The following MMP2 variants were observed in gnomAD, a reference collection of about 807,000 sequenced individuals.
The protein encoded by MMP2 is matrix metallopeptidase 2, also known as 72 kDa type IV collagenase.
MMP2 carries 39 observed loss-of-function variants against 74.8 expected under a neutral mutation model. That is an observed-to-expected ratio of 0.52 (90% CI 0.40 to 0.68). MMP2 has a LOEUF of 0.68. Among genes scored for constraint, MMP2 ranks in the 30% least tolerant of loss-of-function variants. MMP2 has a pLI of 0.00. For missense variants in MMP2, 803 were observed against 878.3 expected, an observed-to-expected ratio of 0.91 and a Z score of 1.08; for synonymous variants, 367 against 339.8, an observed-to-expected ratio of 1.08 and a Z score of -0.88.
At chr16:55,489,853 C>A (rs376170186) in intron 7 of MMP2, 29 bp downstream of exon 7, 2 of 1,611,366 alleles carry the variant, frequency 1.2e-6, no homozygotes, top group South Asian at 1.1e-5. Flanking sequence ...TGGACAGAGA[C>A]CCTGGACATT....
chr16:55,484,092 G>T lies in MMP2; in HGVS notation c.457G>T (p.Asp153Tyr), dbSNP rs144334568. The T allele has an allele frequency of 6.2e-7, 1 of 1,614,022 alleles. No homozygotes were observed. The change falls in exon 3 of 13, where the codon GAT (aspartate) becomes TAT (tyrosine). Residue 153 changes from aspartate (D) to tyrosine (Y), a missense_variant. Transcript: ENST00000219070. ...AFARAFQVWS[D>Y]VTPLRFSRIH... Reference sequence around the variant, plus strand: ...TGCTCGTGCCTTCCAAGTCTGGAGCGATGTGACCCCACTGCGGTTTTCTCG... The same window carrying T: ...TGCTCGTGCCTTCCAAGTCTGGAGCTATGTGACCCCACTGCGGTTTTCTCG...
chr16:55,488,478 C>T (rs1962312830), intron 5 of MMP2, 65 bp from the exon 6 acceptor site: 6 of 1,532,892 alleles, frequency 3.9e-6, no homozygotes, highest in Non-Finnish European at 5.4e-6. Context: ...GGTGGGCAGC[C>T]AGCCAGCCCT....
Position 55,479,220 on chromosome 16 carries a change from C to G in MMP2, c.-260C>G. ...TCCGCTGCATCCAGACTTCCTCAGG[C>G]GGTGGCTGGAGGCTGCGCATCTGGG... On this transcript the variant is annotated 5_prime_UTR_variant, in exon 1 of 13. Transcript: ENST00000219070. 7.4e-6 allele frequency: 2 copies of G among 269,232 alleles called. No homozygotes were observed. Among genetic ancestry groups the G allele is most frequent in the Non-Finnish European group, 1.4e-5 (2 of 145,378 alleles). The allele number at this position is 269,232 out of a possible 1,614,324, so 16.7% of individuals were successfully genotyped here.
intron 11 of MMP2, among the ~76,000 whole-genome samples, chr16:55,499,536 G>T (rs1298573679): frequency 6.6e-6 from 1 of 152,158 alleles, no homozygotes; most frequent in Non-Finnish European, 1.5e-5. Flanking sequence ...TGTGCTCCAG[G>T]TTATCTACAG....
intron 5 of MMP2, among the ~76,000 whole-genome samples, chr16:55,486,347 C>CTCTG (rs1962254803): frequency 7.3e-6 from 1 of 137,728 alleles, no homozygotes; most frequent in African/African-American, 2.8e-5. Flanking sequence ...GTGTGTGTGC[C>CTCTG]TGTGTGTGTG....
chr16:55,499,824 C>T (rs551444345), intron 11 of MMP2, among the ~76,000 whole-genome samples: 1 of 152,066 alleles, frequency 6.6e-6, no homozygotes, highest in African/African-American at 2.4e-5. Context: ...AAAGAGTGGT[C>T]GGGGCACAAA....
chr16:55,503,522 C>T (rs1418945359), intron 12 of MMP2, among the ~76,000 whole-genome samples: 4 of 150,662 alleles, frequency 2.7e-5, no homozygotes, highest in African/African-American at 9.8e-5. Context: ...TTTTTGAGCA[C>T]CTACTGTATG....
chr16:55,505,001 C>T lies in MMP2; in HGVS notation c.1880-338C>T, dbSNP rs116612722. Among the ~76,000 whole-genome samples the T allele has an allele frequency of 6.1e-3, 925 of 152,130 alleles. 8 individuals carry two copies. Among genetic ancestry groups the T allele is most frequent in the African/African-American group, 0.021 (875 of 41,482 alleles). ...GGGGACAAGGTCTTGCTCTATCACC[C>T]AGGCTAGAGGCACAATCATAGCTCA... On this transcript the variant is annotated intron_variant, in intron 12 of 12. Transcript: ENST00000219070.
chr16:55,486,184 T>A (rs981514694), intron 5 of MMP2, among the ~76,000 whole-genome samples: 1 of 152,186 alleles, frequency 6.6e-6, no homozygotes, highest in African/African-American at 2.4e-5. Flanking sequence ...AGGAAAGGCT[T>A]GCTGGTAGCT....
At chr16:55,500,275 A>G (rs1000241037) in intron 11 of MMP2, among the ~76,000 whole-genome samples, 1 of 151,316 alleles carries the variant, frequency 6.6e-6, no homozygotes, top group African/African-American at 2.4e-5. Flanking sequence ...GCATCTCAGC[A>G]TTGTAGGAGC....
Position 55,485,724 on chromosome 16 carries a change from C to T in MMP2, c.779C>T (p.Ser260Phe), listed in dbSNP as rs750659198. Residue 260 changes from serine to phenylalanine, a missense_variant, in exon 5 of 13, where the codon TCC (serine) becomes TTC (phenylalanine). This residue lies in a region of MMP2 where 555 missense variants were observed against 592.0 expected (regional missense o/e 0.94). Transcript: ENST00000219070. ...CGCAGCGATGGCTTCCTCTGGTGCTCCACCACCTACAACTTTGAGAAGGAT... is the reference window on the plus strand; with the variant it reads ...CGCAGCGATGGCTTCCTCTGGTGCTTCACCACCTACAACTTTGAGAAGGAT... ...TGRSDGFLWC[S>F]TTYNFEKDGK... 1.2e-6 allele frequency: 2 copies of T among 1,614,034 alleles called. No homozygotes were observed. Among genetic ancestry groups the T allele is most frequent in the African/African-American group, 1.3e-5 (1 of 74,920 alleles).
chr16:55,502,720 C>T, intron 11 of MMP2, 59 bp from the exon 12 acceptor site: 1 of 1,488,630 alleles, frequency 6.7e-7, no homozygotes, highest in Non-Finnish European at 9.4e-7. Context: ...CCATCCAGGC[C>T]AGGGGGGAAG....
chr16:55,485,291 T>A lies in MMP2; in HGVS notation c.530-8T>A. The A allele has an allele frequency of 6.2e-7, 1 of 1,614,040 alleles. No homozygotes were observed. The highest frequency in any genetic ancestry group is 8.5e-7 in the Non-Finnish European group (1 of 1,179,980). On this transcript the variant is annotated splice_region_variant and splice_polypyrimidine_tract_variant and intron_variant, in intron 3 of 12. Transcript: ENST00000219070. ...CAGCTAGACGCTAAGACCCAGTGTG[T>A]GTTTCAGAGCATGGCGATGGATACC...
rs766745778 is a variant in MMP2, at chr16:55,482,902, C to A, written c.154-7C>A. Reference sequence around the variant, plus strand: ...CTAATTGCCTTGGGGGTGTGCATTTCTTTCAGCAATACCTGAACACCTTCT... The same window carrying A: ...CTAATTGCCTTGGGGGTGTGCATTTATTTCAGCAATACCTGAACACCTTCT... On this transcript the variant is annotated splice_region_variant and splice_polypyrimidine_tract_variant and intron_variant, in intron 1 of 12. Coordinates refer to ENST00000219070, the MANE Select transcript of MMP2 (RefSeq NM_004530.6). 22 of 1,613,392 alleles carry A rather than the reference C, an allele frequency of 1.4e-5. No individual in the cohort carries two copies. The Admixed American group carries it at 3.5e-4, about 26-fold the overall frequency.
chr16:55,505,495 G>C lies in MMP2; in HGVS notation c.*53G>C. The C allele has an allele frequency of 6.6e-7, 1 of 1,522,796 alleles. No homozygotes were observed. Among genetic ancestry groups the C allele is most frequent in the Non-Finnish European group, 9.1e-7 (1 of 1,097,594 alleles). The allele number at this position is 1,522,796 out of a possible 1,614,324, so 94.3% of individuals were successfully genotyped here. A position where few individuals can be genotyped will look rare whatever the true frequency, so the allele number is the denominator to read the frequency against. Reference sequence around the variant, plus strand: ...CTCTCCACTGCCTTCGATACACCGGGCCTGGAGAACTAGAGAAGGACCCGG... The same window carrying C: ...CTCTCCACTGCCTTCGATACACCGGCCCTGGAGAACTAGAGAAGGACCCGG... On this transcript the variant is annotated 3_prime_UTR_variant, in exon 13 of 13. Coordinates refer to ENST00000219070, the MANE Select transcript of MMP2 (RefSeq NM_004530.6).
chr16:55,491,287 G>A (rs752390380), intron 7 of MMP2, among the ~76,000 whole-genome samples: 5 of 152,082 alleles, frequency 3.3e-5, no homozygotes, highest in Non-Finnish European at 5.9e-5. Flanking sequence ...GGTTTTGCTC[G>A]CTGGCTGTGG....
chr16:55,488,469 G>A (rs1198421934), intron 5 of MMP2, 74 bp from the exon 6 acceptor site: 2 of 1,445,410 alleles, frequency 1.4e-6, no homozygotes, highest in African/African-American at 1.4e-5. Flanking sequence ...GAACCGGCAG[G>A]TGGGCAGCCA....
chr16:55,497,130 C>A, intron 10 of MMP2, 68 bp downstream of exon 10: 1 of 1,605,782 alleles, frequency 6.2e-7, no homozygotes, highest in Non-Finnish European at 8.5e-7. Context: ...CCTGGGTGTC[C>A]CAGGCTCACT....
chr16:55,492,939 C>A (rs1378525766), intron 8 of MMP2, among the ~76,000 whole-genome samples: 3 of 152,140 alleles, frequency 2.0e-5, no homozygotes, highest in Non-Finnish European at 4.4e-5. Flanking sequence ...ATAGAGAGGA[C>A]TGATTTGGGT....
Sources: allele counts gnomAD v4.1 joint callset (sites outside exome capture counted in the v4.1 genomes callset), GRCh38; gene constraint gnomAD v4.1.1; regional missense constraint gnomAD v4.1.1; transcripts MANE v1.5; gene names NCBI Gene and HGNC (gene_info 2026-07-23, HGNC 2026-07-21).